Variants in SEMA3D observed in about 807,000 individuals in gnomAD.
SEMA3D encodes the protein semaphorin 3D, also known as semaphorin-3D.
Under a neutral mutation model 100.1 loss-of-function variants are expected in SEMA3D, and 84 were observed. The observed-to-expected ratio is 0.84, with a 90% CI of 0.70 to 1.01. The LOEUF (loss-of-function observed/expected upper bound fraction) is 1.01. SEMA3D is among the 50% of genes least tolerant of loss of function. The probability of loss-of-function intolerance (pLI) is 0.00; values close to 1 mark genes in which losing one functional copy is unlikely to be tolerated. For synonymous variants in SEMA3D, 312 were observed against 320.7 expected, an observed-to-expected ratio of 0.97 and a Z score of 0.29; for missense variants, 875 against 934.1, an observed-to-expected ratio of 0.94 and a Z score of 0.82.
At chr7:85,212,563 G>A in the SEMA3D span, among the ~76,000 whole-genome samples, 1 of 151,128 alleles carries the variant, frequency 6.6e-6, no homozygotes, top group Admixed American at 6.6e-5. Flanking sequence ...GTCTGTAAAT[G>A]CATGTGCATG....
intron 3 of SEMA3D, among the ~76,000 whole-genome samples, chr7:85,109,594 T>C (rs563509611): frequency 6.6e-6 from 1 of 152,128 alleles, no homozygotes; most frequent in South Asian, 2.1e-4. Flanking sequence ...ATGCCTCTTT[T>C]GAATTAGTTG....
intron 18 of SEMA3D, among the ~76,000 whole-genome samples, chr7:85,002,220 T>C (rs1048357508): frequency 6.6e-6 from 1 of 152,278 alleles, no homozygotes; most frequent in East Asian, 1.9e-4. Flanking sequence ...CTTTCAACTT[T>C]CTTTTCTTCC....
At chr7:85,054,802 T>C (rs1791262258) in intron 9 of SEMA3D, among the ~76,000 whole-genome samples, 1 of 151,926 alleles carries the variant, frequency 6.6e-6, no homozygotes, top group Non-Finnish European at 1.5e-5. Flanking sequence ...CCTTAATAAC[T>C]GAGTTGATGC....
In SEMA3D at chr7:85,102,003, G is replaced by A. The variant is rs77565774; in HGVS notation, c.152-4038C>T. Among the ~76,000 whole-genome samples the A allele has an allele frequency of 5.8e-3, 887 of 152,126 alleles. 7 individuals carry two copies. The highest frequency in any genetic ancestry group is 0.02 in the African/African-American group (824 of 41,540). On this transcript the variant is annotated intron_variant, in intron 3 of 18. Coordinates refer to ENST00000284136, the MANE Select transcript of SEMA3D (RefSeq NM_001384900.1). ...TATAAGCATTTAGTGTGTATTAAGT[G>A]TTGAGTATGGGGTTAAGGTCGTGAG...
chr7:85,218,559 T>C, the SEMA3D span, among the ~76,000 whole-genome samples: 1 of 152,112 alleles, frequency 6.6e-6, no homozygotes, highest in Non-Finnish European at 1.5e-5. Context: ...GAGTTTATAA[T>C]TGAAGAAGGT....
At chr7:85,232,261 G>A in the SEMA3D span, among the ~76,000 whole-genome samples, 2 of 152,146 alleles carry the variant, frequency 1.3e-5, no homozygotes, top group Non-Finnish European at 2.9e-5. Context: ...TGTTAGCTTT[G>A]TAAGACTAAT....
At position 85,022,515 on chromosome 7, in the gene SEMA3D, G is replaced by A. The variant is rs147923999; in HGVS notation, c.1290C>T (p.Ser430=). ...FIKRHSVMYK[S]VYPVAGGPTF... ...TTGGTCCTCCTGCAACTGGGTATACGGACTTATACATCACAGAGTGCCGCT... is the reference window on the plus strand; with the variant it reads ...TTGGTCCTCCTGCAACTGGGTATACAGACTTATACATCACAGAGTGCCGCT... The change falls in exon 13 of 19, where the codon TCC becomes TCT. Residue 430 remains serine, a synonymous_variant. Transcript: ENST00000284136. 3.9e-5 allele frequency: 63 copies of A among 1,612,084 alleles called. No homozygotes were observed. The highest frequency in any genetic ancestry group is 1.5e-4 in the African/African-American group (11 of 74,830).
chr7:85,246,490 C>A, the SEMA3D span, among the ~76,000 whole-genome samples: 2 of 151,634 alleles, frequency 1.3e-5, no homozygotes, highest in East Asian at 1.9e-4. Context: ...AATGAGTGAA[C>A]TAATTGGTGA....
chr7:85,163,122 A>C, intron 1 of SEMA3D: 2 of 340,242 alleles, frequency 5.9e-6, no homozygotes, highest in African/African-American at 2.2e-5. Context: ...AAAAAAAGGC[A>C]CTTGGAAAGT....
At chr7:85,070,494 G>T (rs1791740914) in intron 6 of SEMA3D, among the ~76,000 whole-genome samples, 1 of 152,088 alleles carries the variant, frequency 6.6e-6, no homozygotes, top group African/African-American at 2.4e-5. Context: ...GCCACCTTAG[G>T]AGGAGCCTTA....
At chr7:85,111,321 T>C (rs931600531) in intron 3 of SEMA3D, among the ~76,000 whole-genome samples, 4 of 152,094 alleles carry the variant, frequency 2.6e-5, no homozygotes, top group Non-Finnish European at 5.9e-5. Context: ...GCATCTCACT[T>C]AGGTGTCTAA....
intron 16 of SEMA3D, 78 bp downstream of exon 16, chr7:85,014,981 A>G: frequency 9.7e-7 from 1 of 1,032,406 alleles, no homozygotes; most frequent in Non-Finnish European, 1.4e-6. Context: ...TTTAACTTAA[A>G]CTATAAGACA....
chr7:85,116,239 C>A (rs1235937914), intron 3 of SEMA3D, among the ~76,000 whole-genome samples: 1 of 146,020 alleles, frequency 6.8e-6, no homozygotes, highest in Non-Finnish European at 1.5e-5. Context: ...TATGTACATA[C>A]CTATATAAAT....
the SEMA3D span, among the ~76,000 whole-genome samples, chr7:85,195,773 CA>C: frequency 1.1e-4 from 17 of 152,020 alleles, no homozygotes; most frequent in South Asian, 4.1e-4. Context: ...TTAGAATTTA[CA>C]AAGTTGAAAA....
At chr7:85,055,509 TTTTTC>T (rs932065122) in intron 9 of SEMA3D, among the ~76,000 whole-genome samples, 6 of 151,516 alleles carry the variant, frequency 4.0e-5, no homozygotes, top group South Asian at 4.2e-4. Flanking sequence ...TCTTTTCTTC[TTTTTC>T]TTTTCTTTTC....
At chr7:85,044,175 T>C (rs1272064933) in intron 9 of SEMA3D, among the ~76,000 whole-genome samples, 1 of 152,090 alleles carries the variant, frequency 6.6e-6, no homozygotes, top group East Asian at 1.9e-4. Flanking sequence ...TTTCTTCTTT[T>C]ATCTCTGAAA....
chr7:85,014,457 C>A (rs902811746), intron 16 of SEMA3D, among the ~76,000 whole-genome samples: 1 of 151,744 alleles, frequency 6.6e-6, no homozygotes, highest in Non-Finnish European at 1.5e-5. Flanking sequence ...GTATATAGAA[C>A]AAATTCCTAG....
chr7:85,190,992 G>A (rs1231617413), upstream of SEMA3D, among the ~76,000 whole-genome samples: 1 of 151,552 alleles, frequency 6.6e-6, no homozygotes, highest in African/African-American at 2.4e-5. Flanking sequence ...CTGCTATAGA[G>A]ACTTTTCTTA....
rs145504028 is a variant in SEMA3D at position 85,097,844 on chromosome 7, A to G, written c.273T>C (p.Phe91=). The G allele has an allele frequency of 2.7e-5, 44 of 1,607,884 alleles. No homozygotes were observed. The African/African-American group carries it at 5.4e-4, about 20-fold the overall frequency. ...RLLLGAKDHI[F]LLSLVDLNKN... ...TGTTTAAGTCAACCAGACTGAGTAG[A>G]AAGATGTGGTCTTTGGCTCCCAAGA... The change falls in exon 4 of 19, where the codon TTT becomes TTC. Residue 91 remains phenylalanine, a synonymous_variant. Transcript: ENST00000284136.
Sources: allele counts gnomAD v4.1 joint callset (sites outside exome capture counted in the v4.1 genomes callset), GRCh38; gene constraint gnomAD v4.1.1; transcripts MANE v1.5; gene names NCBI Gene and HGNC (gene_info 2026-07-23, HGNC 2026-07-21).